The following TLDC2 variants were observed in gnomAD, a reference collection of about 807,000 sequenced individuals.
The protein encoded by TLDC2 is TBC/LysM-associated domain containing 2, also known as TLD domain-containing protein 2.
In TLDC2, 23 loss-of-function variants were observed where a neutral mutation model predicts 27.9. The ratio of observed to expected loss-of-function variants is 0.82; its 90% CI spans 0.59 to 1.17. The LOEUF is 1.17. Among genes scored for constraint, TLDC2 ranks in the 50% most tolerant of loss-of-function variants. The pLI is 0.00. For synonymous variants in TLDC2, 124 were observed against 107.4 expected, an observed-to-expected ratio of 1.16 and a Z score of -0.96; for missense variants, 286 against 273.4, an observed-to-expected ratio of 1.05 and a Z score of -0.32.
At chr20:36,889,904 C>T (rs2148349652) in intron 6 of TLDC2, 3 of 120,446 alleles carry the variant, frequency 2.5e-5, no homozygotes, top group Middle Eastern at 4.2e-3. Flanking sequence ...GACAATGTTC[C>T]ATGAATGTGT....
intron 4 of TLDC2, among the ~76,000 whole-genome samples, chr20:36,881,254 C>T (rs1989808339): frequency 6.6e-6 from 1 of 152,120 alleles, no homozygotes; most frequent in Non-Finnish European, 1.5e-5. Flanking sequence ...GTAGAGTACA[C>T]CTGTAGTCCC....
At chr20:36,888,476 G>A (rs1989975919) in intron 5 of TLDC2, among the ~76,000 whole-genome samples, 1 of 151,926 alleles carries the variant, frequency 6.6e-6, no homozygotes, top group South Asian at 2.1e-4. Flanking sequence ...GGAGGCCGAG[G>A]TGGGCGGATC....
At chr20:36,890,432 T>C (rs1394942844) in intron 6 of TLDC2, 1 of 151,310 alleles carries the variant, frequency 6.6e-6, no homozygotes, top group African/African-American at 2.4e-5. Context: ...TCTTTCTCTC[T>C]TTCCTTCCTT....
At chr20:36,889,169 C>T in intron 5 of TLDC2, 82 bp from the exon 6 acceptor site, 1 of 1,566,158 alleles carries the variant, frequency 6.4e-7, no homozygotes, top group South Asian at 1.2e-5. Flanking sequence ...CCTGGCATGG[C>T]CAAGAGCTGA....
chr20:36,893,228 G>A lies in TLDC2; in HGVS notation c.*384G>A. ...TCCAAATTACATATGCCCTGTGCTTGGGGCAAATTAGAAACACTACAGTCT... is the reference window on the plus strand; with the variant it reads ...TCCAAATTACATATGCCCTGTGCTTAGGGCAAATTAGAAACACTACAGTCT... On this transcript the variant is annotated 3_prime_UTR_variant, in exon 7 of 7. Coordinates refer to ENST00000217320, the MANE Select transcript of TLDC2 (RefSeq NM_080628.3). The A allele has an allele frequency of 1.2e-6, 1 of 817,274 alleles. No individual in the cohort carries two copies. Among genetic ancestry groups the A allele is most frequent in the Non-Finnish European group, 2.0e-6 (1 of 510,806 alleles). The allele number at this position is 817,274 out of a possible 1,614,324, so 50.6% of individuals were successfully genotyped here. A position where few individuals can be genotyped will look rare whatever the true frequency, so the allele number is the denominator to read the frequency against.
intron 1 of TLDC2, among the ~76,000 whole-genome samples, chr20:36,876,666 C>T (rs1384788366): frequency 6.6e-6 from 1 of 151,940 alleles, no homozygotes; most frequent in African/African-American, 2.4e-5. Context: ...CATGCAAACA[C>T]ACACACTCAC....
At chr20:36,879,394 T>C (rs1989751704) in intron 3 of TLDC2, among the ~76,000 whole-genome samples, 1 of 152,192 alleles carries the variant, frequency 6.6e-6, no homozygotes, top group Non-Finnish European at 1.5e-5. Flanking sequence ...ATGGGGCGCC[T>C]TCTGTGTGCC....
At chr20:36,885,970 G>A (rs1047413989) in intron 4 of TLDC2, among the ~76,000 whole-genome samples, 3 of 152,144 alleles carry the variant, frequency 2.0e-5, no homozygotes, top group Non-Finnish European at 4.4e-5. Context: ...GGATCTAGGG[G>A]AAGAGCATTC....
rs1481233509 is a variant in TLDC2, at chr20:36,879,132, ACC to A, written c.282_283del (p.Tyr94Ter). ...GACGGTTTCAGCCTGCAGAGCCTGT[ACC>A]GGCGGATGGAGGGCTGCAGCGGGCC... On this transcript the variant is annotated stop_gained and frameshift_variant, in exon 3 of 7. Transcript: ENST00000217320. LOFTEE classifies it high-confidence loss of function. 1 of 1,614,094 alleles carries A rather than the reference ACC, an allele frequency of 6.2e-7. No homozygotes were observed. The highest frequency in any genetic ancestry group is 8.5e-7 in the Non-Finnish European group (1 of 1,180,014).
Position 36,880,058 on chromosome 20 carries a change from A to AATATATATATACATATATATATATATAT in TLDC2, c.343-585_343-558dup, listed in dbSNP as rs1989765279. Among the ~76,000 whole-genome samples, 7 of 36,318 alleles carry AATATATATATACATATATATATATATAT rather than the reference A, an allele frequency of 1.9e-4. No individual in the cohort carries two copies. The East Asian group carries it at 2.6e-3, about 13-fold the overall frequency. 23.8% of individuals were successfully genotyped at this position (36,318 alleles called of 152,430 possible). On this transcript the variant is annotated intron_variant, in intron 3 of 6. Coordinates refer to ENST00000217320, the MANE Select transcript of TLDC2 (RefSeq NM_080628.3). ...CTTTTTTCTGTGATTACTTGTGTAG[A>AATATATATATACATATATATATATATAT]ATATATATATACATATATATATATA...
intron 4 of TLDC2, among the ~76,000 whole-genome samples, chr20:36,881,588 T>G (rs1157818595): frequency 6.6e-6 from 1 of 152,178 alleles, no homozygotes; most frequent in Non-Finnish European, 1.5e-5. Flanking sequence ...GGCGCAGGCC[T>G]GCAGAGGGGA....
At chr20:36,882,103 C>T (rs1335328955) in intron 4 of TLDC2, among the ~76,000 whole-genome samples, 1 of 152,136 alleles carries the variant, frequency 6.6e-6, no homozygotes, top group Non-Finnish European at 1.5e-5. Context: ...CTGGTATAGT[C>T]AGGTGGCTCG....
chr20:36,885,078 C>A (rs967295300), intron 4 of TLDC2, among the ~76,000 whole-genome samples: 2 of 151,862 alleles, frequency 1.3e-5, no homozygotes, highest in African/African-American at 2.4e-5. Context: ...GGTTTCACCA[C>A]GTTGGCGAGG....
In TLDC2 at chr20:36,887,471, G is replaced by C. The variant is rs1989947075; in HGVS notation, c.455G>C (p.Gly152Ala). The change falls in exon 5 of 7, where the codon GGA becomes GCA. Residue 152 changes from glycine to alanine, a missense_variant. Coordinates refer to ENST00000217320, the MANE Select transcript of TLDC2 (RefSeq NM_080628.3). Reference protein sequence around the residue: ...SPQLKVFKWTGSNSFFVKGDL... With the variant: ...SPQLKVFKWTASNSFFVKGDL... ...ATCACCCAGGTCTTTAAGTGGACTG[G>C]AAGCAACTCTTTCTTTGTGAAGGGA... 6.2e-7 allele frequency: 1 copy of C among 1,614,146 alleles called. No individual in the cohort carries two copies. The highest frequency in any genetic ancestry group is 8.5e-7 in the Non-Finnish European group (1 of 1,179,986).
At chr20:36,884,347 G>A (rs911455368) in intron 4 of TLDC2, among the ~76,000 whole-genome samples, 5 of 152,274 alleles carry the variant, frequency 3.3e-5, no homozygotes, top group South Asian at 4.1e-4. Context: ...GCCTTTGCAC[G>A]TGCTATTCTG....
chr20:36,889,120 C>G, intron 5 of TLDC2, 131 bp from the exon 6 acceptor site: 1 of 1,303,900 alleles, frequency 7.7e-7, no homozygotes, highest in Non-Finnish European at 1.1e-6. Flanking sequence ...GTATAAATTG[C>G]TTTAAGGGGC....
At chr20:36,887,340 T>G (rs1601101510) in intron 4 of TLDC2, 115 bp from the exon 5 acceptor site, 1 of 911,300 alleles carries the variant, frequency 1.1e-6, no homozygotes, top group South Asian at 1.4e-5. Context: ...TGCGGCTCGG[T>G]TGGGGCCTGG....
chr20:36,877,450 AAC>A (rs1403484721), intron 1 of TLDC2, among the ~76,000 whole-genome samples: 1 of 152,060 alleles, frequency 6.6e-6, no homozygotes, highest in Non-Finnish European at 1.5e-5. Context: ...GTGCACACTG[AAC>A]ACAGGCCTGG....
At chr20:36,889,206 A>G in intron 5 of TLDC2, 45 bp from the exon 6 acceptor site, 7 of 1,597,762 alleles carry the variant, frequency 4.4e-6, no homozygotes, top group South Asian at 3.3e-5. Context: ...TGGGGGTTTC[A>G]GCACACAGGA....
Sources: allele counts gnomAD v4.1 joint callset (sites outside exome capture counted in the v4.1 genomes callset), GRCh38; gene constraint gnomAD v4.1.1; transcripts MANE v1.5; gene names NCBI Gene and HGNC (gene_info 2026-07-23, HGNC 2026-07-21).